RPS6KC1: variants seen among roughly 807,000 people sequenced by gnomAD.
RPS6KC1 encodes inactive ribosomal protein S6 kinase delta-1.
In RPS6KC1, 54 loss-of-function variants were observed where a neutral mutation model predicts 103.8. The observed-to-expected ratio is 0.52, with a 90% CI of 0.42 to 0.65. The LOEUF is 0.65. RPS6KC1 is among the 30% of genes least tolerant of loss of function. The pLI is 0.00. For missense variants in RPS6KC1, 1,151 were observed against 1,253.8 expected (o/e 0.92, Z 1.24); for synonymous variants, 439 against 438.7 (o/e 1.00, Z -0.01).
At chr1:213,300,770 T>TGGAGGCAGAGGA in the RPS6KC1 span, among the ~76,000 whole-genome samples, 1 of 152,238 alleles carries the variant, frequency 6.6e-6, no homozygotes, top group East Asian at 1.9e-4. Context: ...GTCAGTGTTC[T>TGGAGGCAGAGGA]GGAGGCAGAG....
the RPS6KC1 span, among the ~76,000 whole-genome samples, chr1:213,445,360 G>C: frequency 9.9e-5 from 15 of 152,174 alleles, no homozygotes; most frequent in Non-Finnish European, 1.9e-4. Context: ...GAGTGGAGTT[G>C]CTGGGTTGTA....
At chr1:213,657,249 C>A in the RPS6KC1 span, among the ~76,000 whole-genome samples, 113,984 of 151,822 alleles carry the variant, frequency 0.75, 43,354 homozygotes, top group Non-Finnish European at 0.82. Context: ...TGAACAAAGT[C>A]CAGGGAGTGT....
the RPS6KC1 span, among the ~76,000 whole-genome samples, chr1:213,504,075 T>G: frequency 6.6e-6 from 1 of 152,202 alleles, no homozygotes; most frequent in Non-Finnish European, 1.5e-5. Flanking sequence ...TAGAACTATA[T>G]GTATATATAG....
chr1:213,554,926 G>A, the RPS6KC1 span, among the ~76,000 whole-genome samples: 5 of 152,108 alleles, frequency 3.3e-5, no homozygotes, highest in African/African-American at 1.2e-4. Context: ...GCTGACTTAG[G>A]CATACCCCTC....
At chr1:213,489,284 A>G in the RPS6KC1 span, among the ~76,000 whole-genome samples, 1 of 152,124 alleles carries the variant, frequency 6.6e-6, no homozygotes, top group Non-Finnish European at 1.5e-5. Flanking sequence ...TTGGTACCCT[A>G]GGTGTGAAGG....
At chr1:213,652,828 C>T in the RPS6KC1 span, among the ~76,000 whole-genome samples, 1 of 152,154 alleles carries the variant, frequency 6.6e-6, no homozygotes, top group African/African-American at 2.4e-5. Context: ...ATGACTGGGC[C>T]AGGCAAAATC....
chr1:213,188,142 G>T (rs2092608172), intron 8 of RPS6KC1, among the ~76,000 whole-genome samples: 1 of 152,140 alleles, frequency 6.6e-6, no homozygotes, highest in Non-Finnish European at 1.5e-5. Flanking sequence ...CCCACCTCCT[G>T]TCTTTGTCTC....
At chr1:213,059,324 A>G (rs929612992) in intron 1 of RPS6KC1, among the ~76,000 whole-genome samples, 2 of 152,118 alleles carry the variant, frequency 1.3e-5, no homozygotes, top group Non-Finnish European at 2.9e-5. Context: ...TCCAAAATGT[A>G]TGTCTTTTAT....
chr1:213,197,645 G>T (rs1299972044), intron 8 of RPS6KC1, among the ~76,000 whole-genome samples: 1 of 152,114 alleles, frequency 6.6e-6, no homozygotes, highest in East Asian at 1.9e-4. Flanking sequence ...GCTGGTTTGT[G>T]TACATTGATT....
the RPS6KC1 span, among the ~76,000 whole-genome samples, chr1:213,476,634 C>T: frequency 6.6e-6 from 1 of 152,202 alleles, no homozygotes; most frequent in African/African-American, 2.4e-5. Context: ...AAGCCCAGCT[C>T]ACACATGTTT....
chr1:213,394,415 G>GCACCCCTCA, the RPS6KC1 span, among the ~76,000 whole-genome samples: 1 of 152,040 alleles, frequency 6.6e-6, no homozygotes, highest in African/African-American at 2.4e-5. Flanking sequence ...CACTGTGAAT[G>GCACCCCTCA]CACCCCTCAC....
intron 8 of RPS6KC1, among the ~76,000 whole-genome samples, chr1:213,220,123 T>C (rs184509177): frequency 3.3e-5 from 5 of 152,184 alleles, no homozygotes; most frequent in Admixed American, 3.3e-4. Context: ...AATATTGATA[T>C]TTACATTCAA....
the RPS6KC1 span, among the ~76,000 whole-genome samples, chr1:213,331,677 A>G: frequency 3.3e-5 from 5 of 152,206 alleles, no homozygotes. Context: ...CTGTCTGCAC[A>G]GGGAAGTCGG....
chr1:213,303,205 A>C, the RPS6KC1 span, among the ~76,000 whole-genome samples: 7 of 152,192 alleles, frequency 4.6e-5, no homozygotes, highest in Non-Finnish European at 8.8e-5. Context: ...AGACCGAAGA[A>C]AGGGATCTCC....
At chr1:213,311,842 G>A in the RPS6KC1 span, among the ~76,000 whole-genome samples, 1 of 151,396 alleles carries the variant, frequency 6.6e-6, no homozygotes, top group South Asian at 2.1e-4. Context: ...TCAGCCCAAA[G>A]TAAGAGCAGT....
chr1:213,774,136 G>C, the RPS6KC1 span, among the ~76,000 whole-genome samples: 1 of 152,172 alleles, frequency 6.6e-6, no homozygotes, highest in African/African-American at 2.4e-5. Flanking sequence ...GCCCTGTTTG[G>C]GGGGCATGAA....
the RPS6KC1 span, among the ~76,000 whole-genome samples, chr1:213,432,054 A>T: frequency 6.6e-6 from 1 of 152,162 alleles, no homozygotes; most frequent in African/African-American, 2.4e-5. Flanking sequence ...AATGACAGTG[A>T]TCACCTTTTC....
At chr1:213,667,066 G>GCCCTT in the RPS6KC1 span, among the ~76,000 whole-genome samples, 1 of 152,204 alleles carries the variant, frequency 6.6e-6, no homozygotes, top group African/African-American at 2.4e-5. Flanking sequence ...AAACAGGTTT[G>GCCCTT]TAAGTCACAC....
At chr1:213,165,519 G>T (rs935109731) in intron 6 of RPS6KC1, among the ~76,000 whole-genome samples, 3 of 152,126 alleles carry the variant, frequency 2.0e-5, no homozygotes, top group Admixed American at 6.6e-5. Flanking sequence ...CGCCTTCCGG[G>T]TTCACACCAT....
Sources: allele counts gnomAD v4.1 joint callset (sites outside exome capture counted in the v4.1 genomes callset), GRCh38; gene constraint gnomAD v4.1.1; transcripts MANE v1.5; gene names NCBI Gene and HGNC (gene_info 2026-07-23, HGNC 2026-07-21).